Variants in ARFGAP1 observed in about 807,000 individuals in gnomAD.
ARFGAP1 encodes the protein ADP-ribosylation factor GTPase-activating protein 1.
Under a neutral mutation model 54.0 loss-of-function variants are expected in ARFGAP1, and 26 were observed. The ratio of observed to expected loss-of-function variants is 0.48; its 90% CI spans 0.35 to 0.67. The LOEUF (loss-of-function observed/expected upper bound fraction) is 0.67. Among genes scored for constraint, ARFGAP1 ranks in the 30% least tolerant of loss-of-function variants. ARFGAP1 has a pLI of 0.00. For missense variants in ARFGAP1, 525 were observed against 535.8 expected (o/e 0.98, Z 0.20); for synonymous variants, 248 against 211.9 (o/e 1.17, Z -1.48).
chr20:63,281,058 T>C (rs1297043465), intron 7 of ARFGAP1, among the ~76,000 whole-genome samples: 1 of 152,082 alleles, frequency 6.6e-6, no homozygotes, highest in Non-Finnish European at 1.5e-5. Flanking sequence ...TGGTTTGCGC[T>C]GTGTTGGGAG....
chr20:63,277,310 C>T lies in ARFGAP1; in HGVS notation c.443+5C>T. The T allele has an allele frequency of 6.2e-7, 1 of 1,610,792 alleles. No individual in the cohort carries two copies. Among genetic ancestry groups the T allele is most frequent in the Admixed American group, 1.7e-5 (1 of 59,876 alleles). On this transcript the variant is annotated splice_donor_5th_base_variant and intron_variant, in intron 5 of 12. Transcript: ENST00000370283. ...GCTGCCGTCCATGGTGCACCGGTAG[C>T]TGCTCCTCGTGGGGCCTTAGTACAG...
At position 63,282,863 on chromosome 20, in the gene ARFGAP1, G is replaced by A. The variant is rs757086163; in HGVS notation, c.717+12G>A. 1 of 1,614,002 alleles carries A rather than the reference G, an allele frequency of 6.2e-7. No individual in the cohort carries two copies. Among genetic ancestry groups the A allele is most frequent in the South Asian group, 1.1e-5 (1 of 91,086 alleles). ...AAGCGAGTCAGAAGGTAACAGAGGAGAAGCTTCTGCACCCTGGTGCATCTG... is the reference window on the plus strand; with the variant it reads ...AAGCGAGTCAGAAGGTAACAGAGGAAAAGCTTCTGCACCCTGGTGCATCTG... On this transcript the variant is annotated intron_variant, in intron 9 of 12. Coordinates refer to ENST00000370283, the MANE Select transcript of ARFGAP1 (RefSeq NM_018209.4).
intron 11 of ARFGAP1, 101 bp from the exon 12 acceptor site, chr20:63,286,262 GTCT>G (rs2067539012): frequency 1.9e-6 from 3 of 1,570,672 alleles, no homozygotes; most frequent in Non-Finnish European, 2.6e-6. Flanking sequence ...TTTTGCCTGG[GTCT>G]TCTCAGCGGG....
rs1186612563 is a variant in ARFGAP1, at chr20:63,287,616, A to G, written c.964A>G (p.Ser322Gly). 5 of 1,612,086 alleles carry G rather than the reference A, an allele frequency of 3.1e-6. No homozygotes were observed. The South Asian group carries it at 5.5e-5, about 18-fold the overall frequency. The part of the protein sequence containing the change: ...QNSGLDHFQN[S>G]NIDQSFWETF... ...CAGCGGTCTGGACCACTTCCAAAAC[A>G]GCAACATAGACCAGAGCTTCTGGGA... Residue 322 changes from serine to glycine, a missense_variant, in exon 13 of 13, where the codon AGC (serine) becomes GGC (glycine). This residue lies in a region of ARFGAP1 where 466 missense variants were observed against 453.6 expected (regional missense o/e 1.03). Transcript: ENST00000370283.
At chr20:63,287,508 C>T in intron 12 of ARFGAP1, 56 bp from the exon 13 acceptor site, 1 of 1,491,176 alleles carries the variant, frequency 6.7e-7, no homozygotes, top group South Asian at 1.3e-5. Context: ...GCACAGAATT[C>T]CCAGTGGTGG....
intron 12 of ARFGAP1, 146 bp downstream of exon 12, chr20:63,286,588 C>T: frequency 1.3e-6 from 1 of 787,294 alleles, no homozygotes; most frequent in Non-Finnish European, 2.0e-6. Flanking sequence ...GGCATCCTTG[C>T]TGGGGAGGGG....
chr20:63,277,167 G>C (rs376153945), intron 4 of ARFGAP1, 38 bp from the exon 5 acceptor site: 2 of 1,574,864 alleles, frequency 1.3e-6, no homozygotes, highest in Admixed American at 3.4e-5. Context: ...ATCGCCAGGC[G>C]CCTTTATGCT....
At chr20:63,277,123 G>A (rs1284254248) in intron 4 of ARFGAP1, 82 bp from the exon 5 acceptor site, 15 of 1,237,226 alleles carry the variant, frequency 1.2e-5, no homozygotes, top group Non-Finnish European at 1.7e-5. Context: ...GGCGGGCCGT[G>A]GGGGGTGCGC....
rs538943688 is a variant in ARFGAP1 at position 63,278,249 on chromosome 20, A to G, written c.530+46A>G. The G allele has an allele frequency of 2.4e-5, 38 of 1,593,868 alleles. 1 individual carries two copies. In the East Asian group the frequency reaches 4.5e-4, roughly 19 times the overall value. On this transcript the variant is annotated intron_variant, in intron 6 of 12. Coordinates refer to ENST00000370283, the MANE Select transcript of ARFGAP1 (RefSeq NM_018209.4). Reference sequence around the variant, plus strand: ...GACGCCTGGCGTGGGCCAGGCCCACAGGGTTCAGTCTGGTGGGTAGGGCTG... The same window carrying G: ...GACGCCTGGCGTGGGCCAGGCCCACGGGGTTCAGTCTGGTGGGTAGGGCTG...
Position 63,285,648 on chromosome 20 carries a change from G to A in ARFGAP1, c.775-6G>A, listed in dbSNP as rs752877009. The A allele has an allele frequency of 6.8e-6, 11 of 1,613,434 alleles. No individual in the cohort carries two copies. The highest frequency in any genetic ancestry group is 5.5e-5 in the South Asian group (5 of 91,082). On this transcript the variant is annotated splice_region_variant and splice_polypyrimidine_tract_variant and intron_variant, in intron 10 of 12. Coordinates refer to ENST00000370283, the MANE Select transcript of ARFGAP1 (RefSeq NM_018209.4). ...CCCATTAATGCCGCTGTCTTCATCCGTGCAGGTGAAGGAGGGAAAGATTTT... is the reference window on the plus strand; with the variant it reads ...CCCATTAATGCCGCTGTCTTCATCCATGCAGGTGAAGGAGGGAAAGATTTT...
rs2067516574 is a variant in ARFGAP1, at chr20:63,285,712, A to G, written c.833A>G (p.Lys278Arg). The G allele has an allele frequency of 6.2e-7, 1 of 1,613,406 alleles. No homozygotes were observed. Among genetic ancestry groups the G allele is most frequent in the Admixed American group, 1.7e-5 (1 of 60,020 alleles). ...AGTGGGGTCTCTCAGTTGGCGTCCA[A>G]GGTAGGGAGCCTGCCAGATACGCGG... The part of the protein sequence containing the change: ...VSSGVSQLAS[K>R]VQGVGSKGWR... The change falls in exon 11 of 13, where the codon AAG becomes AGG. Residue 278 changes from lysine (K) to arginine (R), a missense_variant and splice_region_variant. Physicochemically the swap from Lys to Arg is conservative, Grantham distance 26. Transcript: ENST00000370283.
chr20:63,286,021 G>C (rs530519317), intron 11 of ARFGAP1: 2 of 1,544,970 alleles, frequency 1.3e-6, no homozygotes, highest in South Asian at 1.2e-5. Flanking sequence ...ACTGCTCTGC[G>C]GGCCATTTGG....
chr20:63,281,156 G>A (rs1296370581), intron 7 of ARFGAP1, 135 bp from the exon 8 acceptor site: 3 of 858,294 alleles, frequency 3.5e-6, no homozygotes, highest in Non-Finnish European at 5.3e-6. Flanking sequence ...GGAGAAGCAG[G>A]CGCGGTGGGG....
chr20:63,277,346 G>A (rs1242311002), intron 5 of ARFGAP1, 41 bp downstream of exon 5: 6 of 1,526,992 alleles, frequency 3.9e-6, no homozygotes, highest in East Asian at 2.4e-5. Flanking sequence ...TTTCCACTGG[G>A]TCCTGAACTT....
chr20:63,276,046 C>T lies in ARFGAP1; in HGVS notation c.61-45C>T. 6.3e-7 allele frequency: 1 copy of T among 1,580,202 alleles called. No individual in the cohort carries two copies. Among genetic ancestry groups the T allele is most frequent in the Non-Finnish European group, 8.7e-7 (1 of 1,150,448 alleles). On this transcript the variant is annotated intron_variant, in intron 2 of 12. Transcript: ENST00000370283. The surrounding 1 kb of genome is among the most constrained non-coding windows in gnomAD (Gnocchi z 5.2). Reference sequence around the variant, plus strand: ...CTGTCGGGTCTTTGGGGTCCCTGGGCTCTGCCCTGAGCCACCTGGTGAGTC... The same window carrying T: ...CTGTCGGGTCTTTGGGGTCCCTGGGTTCTGCCCTGAGCCACCTGGTGAGTC...
intron 9 of ARFGAP1, chr20:63,284,646 A>C (rs1262337686): frequency 1.4e-6 from 2 of 1,394,762 alleles, no homozygotes; most frequent in Admixed American, 5.7e-5. Context: ...TTCCTGCAAG[A>C]ATTGGTGGGG....
chr20:63,288,253 G>C lies in ARFGAP1; in HGVS notation c.*380G>C. On this transcript the variant is annotated 3_prime_UTR_variant, in exon 13 of 13. Transcript: ENST00000370283. ...CCTGGGACCAGCCACGTGCCGAGCT[G>C]TCAGCGACGTGAGGTGTCCCTTCTC... The C allele has an allele frequency of 1.9e-6, 1 of 530,512 alleles. No individual in the cohort carries two copies. The highest frequency in any genetic ancestry group is 2.9e-4 in the Middle Eastern group (1 of 3,488). The allele number at this position is 530,512 out of a possible 1,614,324, so 32.9% of individuals were successfully genotyped here.
At chr20:63,285,423 A>G in intron 10 of ARFGAP1, 1 of 590,132 alleles carries the variant, frequency 1.7e-6, no homozygotes, top group East Asian at 2.8e-5. Flanking sequence ...GCTATTTGTC[A>G]GCAGTGGCCG....
chr20:63,283,886 G>A (rs1329013393), intron 9 of ARFGAP1: 3 of 1,613,626 alleles, frequency 1.9e-6, no homozygotes, highest in Non-Finnish European at 1.7e-6. Context: ...AGCCGGTAAA[G>A]CCCGTGTCTG....
Sources: gnomAD v4.1 joint callset for allele counts (sites outside exome capture counted in the v4.1 genomes callset) on GRCh38, gnomAD v4.1.1 for gene constraint, gnomAD v4.1.1 regional missense constraint, Gnocchi (gnomAD v3.1) non-coding constraint, MANE v1.5 for transcripts, NCBI Gene and HGNC (gene_info 2026-07-23, HGNC 2026-07-21) for gene names.